Variants in DAAM1 observed in about 807,000 individuals in gnomAD.
DAAM1 encodes the protein disheveled-associated activator of morphogenesis 1.
A neutral mutation model predicts 130.0 loss-of-function variants in DAAM1; 52 were observed. The observed-to-expected ratio is 0.40, with a 90% confidence interval of 0.32 to 0.50. The LOEUF (loss-of-function observed/expected upper bound fraction) is 0.50. Ranked by LOEUF, DAAM1 falls within the 20% of genes least tolerant of loss-of-function variation. DAAM1 has a pLI of 0.61. For missense variants in DAAM1, 1,134 were observed against 1,303.8 expected (o/e 0.87, Z 2.01); for synonymous variants, 452 against 444.5 (o/e 1.02, Z -0.21).
chr14:59,239,096 C>T (rs573937605), intron 1 of DAAM1, among the ~76,000 whole-genome samples: 74 of 152,262 alleles, frequency 4.9e-4, no homozygotes, highest in Middle Eastern at 6.8e-3. Flanking sequence ...TTGCCTGTGC[C>T]TCTCTCTTTT....
intron 2 of DAAM1, among the ~76,000 whole-genome samples, chr14:59,286,543 T>C (rs1230698850): frequency 6.6e-6 from 1 of 151,886 alleles, no homozygotes; most frequent in Non-Finnish European, 1.5e-5. Flanking sequence ...GCTAGATTAA[T>C]AAGGGAAAAA....
intron 1 of DAAM1, among the ~76,000 whole-genome samples, chr14:59,248,776 C>T (rs1881507296): frequency 6.6e-6 from 1 of 151,882 alleles, no homozygotes; most frequent in African/African-American, 2.4e-5. Context: ...CCTGAGAGTC[C>T]ATCCCTCATT....
Position 59,198,064 on chromosome 14 carries a change from C to G in DAAM1, c.-38+9296C>G, listed in dbSNP as rs115616361. On this transcript the variant is annotated intron_variant, in intron 1 of 24. Transcript: ENST00000360909. Reference sequence around the variant, plus strand: ...CACTTATCTTATCATTTGTTTCCCTCTGGATGGCCTTTGTTTATGCTGTCT... The same window carrying G: ...CACTTATCTTATCATTTGTTTCCCTGTGGATGGCCTTTGTTTATGCTGTCT... Among the ~76,000 whole-genome samples the G allele has an allele frequency of 6.8e-3, 1,030 of 152,286 alleles. 16 individuals carry two copies. The highest frequency in any genetic ancestry group is 0.023 in the African/African-American group (967 of 41,556).
At chr14:59,219,549 T>G (rs1888704322) in intron 1 of DAAM1, among the ~76,000 whole-genome samples, 1 of 152,146 alleles carries the variant, frequency 6.6e-6, no homozygotes, top group South Asian at 2.1e-4. Context: ...TTATAATTGG[T>G]GGTGCTTTTT....
At chr14:59,326,872 T>A in intron 11 of DAAM1, 61 bp from the exon 12 acceptor site, 1 of 1,598,886 alleles carries the variant, frequency 6.3e-7, no homozygotes, top group Non-Finnish European at 8.6e-7. Context: ...CTGGGGAGAA[T>A]GCAGTTAGCA....
intron 1 of DAAM1, among the ~76,000 whole-genome samples, chr14:59,201,295 C>T (rs1888097301): frequency 6.6e-6 from 1 of 152,036 alleles, no homozygotes; most frequent in Admixed American, 6.6e-5. Flanking sequence ...GGTCTGGCTG[C>T]CTAGCTGGTT....
intron 2 of DAAM1, chr14:59,264,899 CTTAT>C (rs983568744): frequency 1.3e-5 from 2 of 152,156 alleles, no homozygotes; most frequent in African/African-American, 4.8e-5. Flanking sequence ...TCAGCTCCCA[CTTAT>C]TAGTGAGAAC....
intron 16 of DAAM1, among the ~76,000 whole-genome samples, chr14:59,346,321 T>G (rs780920100): frequency 1.2e-4 from 19 of 152,248 alleles, no homozygotes; most frequent in Non-Finnish European, 2.5e-4. Flanking sequence ...AAGTTGCATG[T>G]GACATGTGTA....
At chr14:59,312,491 T>C (rs574376290) in intron 3 of DAAM1, among the ~76,000 whole-genome samples, 2 of 152,314 alleles carry the variant, frequency 1.3e-5, no homozygotes, top group Non-Finnish European at 2.9e-5. Flanking sequence ...GTGAGAGAAG[T>C]GTATCACAGT....
intron 2 of DAAM1, among the ~76,000 whole-genome samples, chr14:59,287,224 TCAG>T (rs2139556561): frequency 6.6e-6 from 1 of 152,248 alleles, no homozygotes; most frequent in South Asian, 2.1e-4. Context: ...TTGATAAAAT[TCAG>T]CATCCCTTCA....
chr14:59,327,125 G>A (rs898699954), intron 12 of DAAM1, 134 bp downstream of exon 12: 1 of 923,420 alleles, frequency 1.1e-6, no homozygotes. Flanking sequence ...CATCTTTTAA[G>A]GGCATTTTGC....
At chr14:59,281,366 A>G (rs1227502280) in intron 2 of DAAM1, among the ~76,000 whole-genome samples, 3 of 152,164 alleles carry the variant, frequency 2.0e-5, no homozygotes, top group Admixed American at 6.5e-5. Flanking sequence ...TCCAAAGGTG[A>G]AGTGGCGTAT....
intron 3 of DAAM1, among the ~76,000 whole-genome samples, chr14:59,293,445 G>A (rs1422013233): frequency 2.6e-5 from 4 of 152,294 alleles, no homozygotes; most frequent in African/African-American, 2.4e-5. Flanking sequence ...TTTGCTTCTT[G>A]TAGGAGGATG....
chr14:59,216,431 C>A (rs1033144890), intron 1 of DAAM1, among the ~76,000 whole-genome samples: 1 of 152,146 alleles, frequency 6.6e-6, no homozygotes, highest in African/African-American at 2.4e-5. Flanking sequence ...TTGCAAGAGT[C>A]AATTTCAGGC....
In DAAM1 at chr14:59,338,269, C is replaced by T; in HGVS notation, c.1969-1805C>T. On this transcript the variant is annotated intron_variant, in intron 15 of 24. Coordinates refer to ENST00000360909, the MANE Select transcript of DAAM1 (RefSeq NM_001270520.2). ...TGATGATCCCAGGGGCATAAATCAT[C>T]TCTTACCCTACATCACTTGTTTCCT... 9 of 1,045,634 alleles carry T rather than the reference C, an allele frequency of 8.6e-6. No individual in the cohort carries two copies. In the Admixed American group the frequency reaches 1.6e-4, roughly 19 times the overall value. The allele number at this position is 1,045,634 out of a possible 1,614,324, so 64.8% of individuals were successfully genotyped here. A position where few individuals can be genotyped will look rare whatever the true frequency, so the allele number is the denominator to read the frequency against.
intron 5 of DAAM1, 94 bp from the exon 6 acceptor site, chr14:59,322,797 TA>T: frequency 9.7e-7 from 1 of 1,035,078 alleles, no homozygotes; most frequent in Non-Finnish European, 1.4e-6. Flanking sequence ...CTTTAGGAAC[TA>T]AATCTTTCTT....
chr14:59,304,770 AGTTCCTAACT>A (rs893659011), intron 3 of DAAM1, among the ~76,000 whole-genome samples: 3 of 152,328 alleles, frequency 2.0e-5, no homozygotes, highest in Admixed American at 2.0e-4. Flanking sequence ...TTAGGAATAC[AGTTCCTAACT>A]GTCCTCAGGG....
rs751660141 is a variant in DAAM1 at position 59,324,392 on chromosome 14, G to A, written c.927G>A (p.Leu309=). The stretch of plus-strand genomic sequence containing the variant: ...GACTTCATCTTCGCTATGAATTTCT[G>A]ATGTTAGGAATTCAACCTGTAATAG... ...DFRLHLRYEF[L]MLGIQPVIDK... Residue 309 remains leucine (L), a synonymous_variant, in exon 8 of 25, where the codon CTG becomes CTA. Coordinates refer to ENST00000360909, the MANE Select transcript of DAAM1 (RefSeq NM_001270520.2). 6.3e-7 allele frequency: 1 copy of A among 1,596,094 alleles called. No homozygotes were observed. Among genetic ancestry groups the A allele is most frequent in the Non-Finnish European group, 8.5e-7 (1 of 1,171,058 alleles).
chr14:59,367,422 T>C lies in DAAM1; in HGVS notation c.2827-7T>C. 1 of 1,591,130 alleles carries C rather than the reference T, an allele frequency of 6.3e-7. No homozygotes were observed. The highest frequency in any genetic ancestry group is 8.6e-7 in the Non-Finnish European group (1 of 1,166,588). On this transcript the variant is annotated splice_polypyrimidine_tract_variant and splice_region_variant and intron_variant, in intron 23 of 24. Transcript: ENST00000360909. ...ACATTGACTTCTTAAAACCATCTTT[T>C]TCCTAGTTTACTAAAGCAGTGAAGC...
Sources: allele counts gnomAD v4.1 joint callset (sites outside exome capture counted in the v4.1 genomes callset), GRCh38; gene constraint gnomAD v4.1.1; transcripts MANE v1.5; gene names NCBI Gene and HGNC (gene_info 2026-07-23, HGNC 2026-07-21).